Variants in ITGA9 observed in about 807,000 individuals in gnomAD.
ITGA9 encodes integrin alpha-9.
A neutral mutation model predicts 127.8 loss-of-function variants in ITGA9; 56 were observed. The observed-to-expected ratio is 0.44, with a 90% CI of 0.35 to 0.55. The LOEUF is 0.55. Ranked by LOEUF, ITGA9 falls within the 20% of genes least tolerant of loss-of-function variation. The pLI, the probability that ITGA9 is intolerant of heterozygous loss-of-function variation, is 0.00. For synonymous variants in ITGA9, 508 were observed against 514.5 expected, an observed-to-expected ratio of 0.99 and a Z score of 0.17; for missense variants, 1,196 against 1,347.1, an observed-to-expected ratio of 0.89 and a Z score of 1.76.
chr3:37,580,323 A>G lies in ITGA9; in HGVS notation c.1689+37738A>G, dbSNP rs137914286. On this transcript the variant is annotated intron_variant, in intron 15 of 27. Coordinates refer to ENST00000264741, the MANE Select transcript of ITGA9 (RefSeq NM_002207.3). ...TTTATGTTCCACCACAAGAAAAATC[A>G]GTGGATGGCTGGAAGGCGGGGCTTT... 5.5e-3 allele frequency among the ~76,000 whole-genome samples: 841 copies of G among 152,358 alleles called. 6 individuals are homozygous for G. The highest frequency in any genetic ancestry group is 9.1e-3 in the Non-Finnish European group (616 of 68,032).
chr3:37,543,056 T>C (rs2125591276), intron 15 of ITGA9, among the ~76,000 whole-genome samples: 1 of 152,352 alleles, frequency 6.6e-6, no homozygotes, highest in East Asian at 1.9e-4. Context: ...GACTACTTTC[T>C]ATTTATTTTA....
At chr3:37,481,433 T>C in intron 3 of ITGA9, 51 bp from the exon 4 acceptor site, 1 of 1,613,512 alleles carries the variant, frequency 6.2e-7, no homozygotes, top group Non-Finnish European at 8.5e-7. Flanking sequence ...GTCTGCTTTG[T>C]GATCTTTTGG....
intron 22 of ITGA9, chr3:37,748,146 A>G: frequency 4.1e-6 from 2 of 489,766 alleles, no homozygotes; most frequent in Non-Finnish European, 8.0e-6. Flanking sequence ...AAGGCACCTG[A>G]TATATGTTCT....
chr3:37,697,556 A>T (rs1045413798), intron 18 of ITGA9, among the ~76,000 whole-genome samples: 2 of 151,890 alleles, frequency 1.3e-5, no homozygotes, highest in African/African-American at 2.4e-5. Context: ...TCATTGTTCA[A>T]TTCCCACCTA....
In ITGA9 at chr3:37,496,541, C is replaced by T. The variant is rs1168390720; in HGVS notation, c.612+1973C>T. 6.6e-5 allele frequency among the ~76,000 whole-genome samples: 10 copies of T among 152,308 alleles called. No homozygotes were observed. In the South Asian group the frequency reaches 8.3e-4, roughly 13 times the overall value. On this transcript the variant is annotated intron_variant, in intron 5 of 27. Coordinates refer to ENST00000264741, the MANE Select transcript of ITGA9 (RefSeq NM_002207.3). Reference sequence around the variant, plus strand: ...TAGTTGTCTTGCTTCCAACCCACTGCGGAATCCTTCTGCCGTCTTGCTTCC... The same window carrying T: ...TAGTTGTCTTGCTTCCAACCCACTGTGGAATCCTTCTGCCGTCTTGCTTCC...
intron 3 of ITGA9, among the ~76,000 whole-genome samples, chr3:37,475,683 A>G (rs944522551): frequency 6.6e-6 from 1 of 152,232 alleles, no homozygotes; most frequent in Non-Finnish European, 1.5e-5. Flanking sequence ...AGCATCTGAC[A>G]CCATCTGCTT....
rs75494173 is a variant in ITGA9, at chr3:37,760,560, G to A, written c.2541+9991G>A. Reference sequence around the variant, plus strand: ...AGAAAAAAAAATTTGATGAAATATCGTTCCAAAACAGTGGCAGTGTATAAA... The same window carrying A: ...AGAAAAAAAAATTTGATGAAATATCATTCCAAAACAGTGGCAGTGTATAAA... On this transcript the variant is annotated intron_variant, in intron 23 of 27. Coordinates refer to ENST00000264741, the MANE Select transcript of ITGA9 (RefSeq NM_002207.3). Among the ~76,000 whole-genome samples the A allele has an allele frequency of 0.01, 1,540 of 152,218 alleles. 60 individuals are homozygous for A. In the South Asian group the frequency reaches 0.13, roughly 13 times the overall value.
chr3:37,480,679 T>C (rs1356432396), intron 3 of ITGA9, among the ~76,000 whole-genome samples: 1 of 152,218 alleles, frequency 6.6e-6, no homozygotes, highest in Non-Finnish European at 1.5e-5. Flanking sequence ...CATGCTGAAG[T>C]GTTTCTGTGG....
At chr3:37,622,880 C>T (rs1210128728) in intron 15 of ITGA9, among the ~76,000 whole-genome samples, 1 of 151,898 alleles carries the variant, frequency 6.6e-6, no homozygotes, top group Non-Finnish European at 1.5e-5. Flanking sequence ...TTATTGCTTG[C>T]CTACAGTATG....
intron 15 of ITGA9, among the ~76,000 whole-genome samples, chr3:37,603,913 C>G (rs889961763): frequency 6.6e-6 from 1 of 152,188 alleles, no homozygotes; most frequent in African/African-American, 2.4e-5. Context: ...AAAGAGGGTG[C>G]CCACTGCTGG....
intron 15 of ITGA9, among the ~76,000 whole-genome samples, chr3:37,565,078 A>C (rs1193470378): frequency 6.6e-6 from 1 of 152,186 alleles, no homozygotes; most frequent in Non-Finnish European, 1.5e-5. Context: ...CTGCATGGCC[A>C]GCCTGGTGAC....
intron 15 of ITGA9, among the ~76,000 whole-genome samples, chr3:37,553,137 TTTTC>T: frequency 6.6e-6 from 1 of 152,310 alleles, no homozygotes; most frequent in East Asian, 1.9e-4. Flanking sequence ...TGCTTTGTAA[TTTTC>T]TATCTATTCG....
chr3:37,706,553 T>C (rs1701007780), intron 18 of ITGA9, among the ~76,000 whole-genome samples: 1 of 152,116 alleles, frequency 6.6e-6, no homozygotes, highest in Non-Finnish European at 1.5e-5. Context: ...CACCTAGAAA[T>C]GCTTACCTAT....
intron 20 of ITGA9, among the ~76,000 whole-genome samples, chr3:37,741,027 G>A (rs1298778085): frequency 6.6e-6 from 1 of 152,164 alleles, no homozygotes; most frequent in African/African-American, 2.4e-5. Flanking sequence ...AGACATAGCT[G>A]CTGAAGTCTA....
At chr3:37,533,259 G>A in intron 13 of ITGA9, 55 bp from the exon 14 acceptor site, 3 of 1,552,108 alleles carry the variant, frequency 1.9e-6, no homozygotes, top group Non-Finnish European at 2.7e-6. Flanking sequence ...TTCTTGTTTG[G>A]TTCTGAGAGC....
chr3:37,733,041 T>G, intron 19 of ITGA9: 3 of 518,906 alleles, frequency 5.8e-6, no homozygotes, highest in Non-Finnish European at 1.1e-5. Flanking sequence ...AATGTGAAAG[T>G]GAAGGACACA....
At chr3:37,785,658 T>A (rs1343578014) in intron 26 of ITGA9, among the ~76,000 whole-genome samples, 1 of 152,098 alleles carries the variant, frequency 6.6e-6, no homozygotes, top group Non-Finnish European at 1.5e-5. Flanking sequence ...TAAAATTTTT[T>A]TGTCGGGATA....
rs368372384 is a variant in ITGA9 at position 37,653,824 on chromosome 3, A to C, written c.1916+34A>C. 37 of 1,544,138 alleles carry C rather than the reference A, an allele frequency of 2.4e-5. No homozygotes were observed. The African/African-American group carries it at 4.8e-4, about 20-fold the overall frequency. ...GTGTTTCCTTCAGAGCATTGTTCTC[A>C]GGCTCCTTTTTCTTGACCCCAGGTC... is the stretch of plus-strand genomic sequence containing the variant. On this transcript the variant is annotated intron_variant, in intron 17 of 27. Coordinates refer to ENST00000264741, the MANE Select transcript of ITGA9 (RefSeq NM_002207.3).
chr3:37,703,434 T>C (rs890139482), intron 18 of ITGA9, among the ~76,000 whole-genome samples: 2 of 152,256 alleles, frequency 1.3e-5, no homozygotes, highest in African/African-American at 4.8e-5. Flanking sequence ...ATTGACATGC[T>C]AAGTTTTTAG....
Sources: gnomAD v4.1 joint callset for allele counts (sites outside exome capture counted in the v4.1 genomes callset) on GRCh38, gnomAD v4.1.1 for gene constraint, MANE v1.5 for transcripts, NCBI Gene and HGNC (gene_info 2026-07-23, HGNC 2026-07-21) for gene names.